The following RNF14 variants were observed in gnomAD, a reference collection of about 807,000 sequenced individuals.
RNF14 encodes the protein ring finger protein 14.
Under a neutral mutation model 52.6 loss-of-function variants are expected in RNF14, and 26 were observed. That is an observed-to-expected ratio of 0.49 (90% CI 0.36 to 0.69). The LOEUF is 0.69. Among genes scored for constraint, RNF14 ranks in the 30% least tolerant of loss-of-function variants. RNF14 has a pLI of 0.00. For synonymous variants in RNF14, 194 were observed against 202.0 expected, an observed-to-expected ratio of 0.96 and a Z score of 0.34; for missense variants, 404 against 560.4, an observed-to-expected ratio of 0.72 and a Z score of 2.82.
At position 141,978,662 on chromosome 5, in the gene RNF14, C is replaced by G; in HGVS notation, c.666C>G (p.Ile222Met). The change falls in exon 5 of 9, where the codon ATC becomes ATG. Residue 222 changes from isoleucine (I) to methionine (M), a missense_variant. By Grantham distance (10) the Ile-to-Met change is conservative (BLOSUM62 1). Transcript: ENST00000394520. ...CFNSKLFLCS[I>M]CFCEKLGSEC... is the part of the protein sequence containing the mutation. ...ATAGTAAATTGTTCCTGTGCAGTATCTGTTTCTGTGAGAAGCTGGGTAGTG... is the reference window on the plus strand; with the variant it reads ...ATAGTAAATTGTTCCTGTGCAGTATGTGTTTCTGTGAGAAGCTGGGTAGTG... The G allele has an allele frequency of 6.2e-7, 1 of 1,614,002 alleles. No individual in the cohort carries two copies.
chr5:141,952,005 C>T, the RNF14 span, among the ~76,000 whole-genome samples: 1 of 152,180 alleles, frequency 6.6e-6, no homozygotes, highest in Admixed American at 6.5e-5. Flanking sequence ...TTTTGTTGAC[C>T]AGATGTAAGA....
upstream of RNF14, among the ~76,000 whole-genome samples, chr5:141,964,946 T>A (rs164516): frequency 0.8 from 119,915 of 150,326 alleles, 48,133 homozygotes; most frequent in East Asian, 0.98. Flanking sequence ...TAATTTTTTT[T>A]AAAAAAAAAC....
At chr5:141,951,563 G>A in the RNF14 span, 1 of 1,614,180 alleles carries the variant, frequency 6.2e-7, no homozygotes, top group Non-Finnish European at 8.5e-7. Context: ...TGGCCCTGAT[G>A]CAGCAAGGAC....
intron 8 of RNF14, among the ~76,000 whole-genome samples, chr5:141,987,224 G>A (rs1467695526): frequency 2.0e-5 from 3 of 152,194 alleles, no homozygotes; most frequent in Admixed American, 2.0e-4. Flanking sequence ...ATCCCATCAT[G>A]GCCGGGAACT....
chr5:141,966,961 T>TTAA (rs1347306717), upstream of RNF14: 5 of 152,390 alleles, frequency 3.3e-5, no homozygotes, highest in Non-Finnish European at 5.9e-5. Flanking sequence ...ACATGAATAA[T>TTAA]TATATTAATG....
upstream of RNF14, chr5:141,955,294 G>T: frequency 6.2e-7 from 1 of 1,614,188 alleles, no homozygotes; most frequent in Non-Finnish European, 8.5e-7. The surrounding 1 kb of genome is among the most constrained non-coding windows in gnomAD (Gnocchi z 5.5). Flanking sequence ...CCTCTGCCTG[G>T]GATGGTTGAA....
At position 141,983,636 on chromosome 5, in the gene RNF14, A is replaced by G. The variant is rs1351250459; in HGVS notation, c.1236+84A>G. 3.3e-6 allele frequency: 4 copies of G among 1,201,624 alleles called. No individual in the cohort carries two copies. The East Asian group carries it at 1.0e-4, about 31-fold the overall frequency. 74.4% of individuals were successfully genotyped at this position (1,201,624 alleles called of 1,614,324 possible). A position where few individuals can be genotyped will look rare whatever the true frequency, so the allele number is the denominator to read the frequency against. ...TTAAGAAGCCTTACTAGTCAATTTT[A>G]TGACTTACAAAACACATGCTGGTAT... is the stretch of plus-strand genomic sequence containing the variant. On this transcript the variant is annotated intron_variant, in intron 7 of 8. Transcript: ENST00000394520.
chr5:141,962,938 C>T (rs868481138), upstream of RNF14, among the ~76,000 whole-genome samples: 7 of 152,140 alleles, frequency 4.6e-5, no homozygotes, highest in African/African-American at 1.4e-4. Flanking sequence ...CCAACTTCAT[C>T]GAGAACCACC....
upstream of RNF14, among the ~76,000 whole-genome samples, chr5:141,964,780 AT>A (rs67577436): frequency 2.2e-3 from 309 of 137,674 alleles, 1 homozygote; most frequent in African/African-American, 6.9e-3. Flanking sequence ...AGCCCGGCTA[AT>A]TTTTTTTTTT....
At chr5:141,955,996 G>C (rs1401824986), upstream of RNF14, 3 of 1,614,228 alleles carry the variant, frequency 1.9e-6, no homozygotes, top group Non-Finnish European at 2.5e-6. The surrounding 1 kb of genome is among the most constrained non-coding windows in gnomAD (Gnocchi z 5.5). Context: ...CACAATGGTT[G>C]TCAAAAGGAA....
At chr5:141,983,635 T>C in intron 7 of RNF14, 83 bp downstream of exon 7, 1 of 1,216,296 alleles carries the variant, frequency 8.2e-7, no homozygotes, top group Non-Finnish European at 1.1e-6. Context: ...TAGTCAATTT[T>C]ATGACTTACA....
At chr5:141,951,724 G>A in the RNF14 span, 1 of 698,590 alleles carries the variant, frequency 1.4e-6, no homozygotes, top group Non-Finnish European at 2.5e-6. Context: ...GTGATCAGAT[G>A]GGGGATGGTG....
At chr5:141,949,760 C>T in the RNF14 span, among the ~76,000 whole-genome samples, 1 of 151,990 alleles carries the variant, frequency 6.6e-6, no homozygotes, top group African/African-American at 2.4e-5. Context: ...TCTGTTTCCT[C>T]ATTTGTAAAA....
chr5:141,949,635 A>G, the RNF14 span: 1 of 1,578,912 alleles, frequency 6.3e-7, no homozygotes, highest in South Asian at 1.2e-5. Flanking sequence ...ATATAGATTC[A>G]TTCATTCATG....
intron 5 of RNF14, among the ~76,000 whole-genome samples, chr5:141,979,454 G>A (rs536009297): frequency 9.2e-5 from 14 of 152,272 alleles, no homozygotes; most frequent in Admixed American, 4.6e-4. Context: ...GTTTCACCAC[G>A]TTGGCCAGGC....
chr5:141,976,392 C>G (rs1228670956), intron 4 of RNF14, among the ~76,000 whole-genome samples: 2 of 152,218 alleles, frequency 1.3e-5, no homozygotes, highest in African/African-American at 4.8e-5. Context: ...TTCCAGCCAA[C>G]CAGCATCTAC....
chr5:141,957,569 C>T (rs778240954), upstream of RNF14: 7 of 1,614,214 alleles, frequency 4.3e-6, no homozygotes, highest in East Asian at 1.6e-4. The surrounding 1 kb of genome is among the most constrained non-coding windows in gnomAD (Gnocchi z 4.3). Context: ...CACAGCTGCT[C>T]TCGATCCAGC....
At chr5:141,957,025 T>A (rs143217665), upstream of RNF14, 2 of 1,614,058 alleles carry the variant, frequency 1.2e-6, no homozygotes, top group East Asian at 2.2e-5. This position sits in a 1 kb window ranked among gnomAD's most constrained non-coding sequence, Gnocchi z 4.3. Flanking sequence ...CACCTCCCCA[T>A]TGGGGCCTTG....
At chr5:141,984,603 A>G (rs1755076170) in intron 7 of RNF14, among the ~76,000 whole-genome samples, 200 bp from the exon 8 acceptor site, 2 of 152,230 alleles carry the variant, frequency 1.3e-5, no homozygotes, top group African/African-American at 4.8e-5. Context: ...TAATTGTAGT[A>G]ACACTAGCTA....
Sources: allele counts gnomAD v4.1 joint callset (sites outside exome capture counted in the v4.1 genomes callset), GRCh38; gene constraint gnomAD v4.1.1; non-coding constraint Gnocchi (gnomAD v3.1); transcripts MANE v1.5; gene names NCBI Gene and HGNC (gene_info 2026-07-23, HGNC 2026-07-21).